Variants in PAPPA2 observed in about 807,000 individuals in gnomAD.
The protein encoded by PAPPA2 is pappalysin 2, also known as pappalysin-2.
PAPPA2 carries 86 observed loss-of-function variants against 176.4 expected under a neutral mutation model. That is an observed-to-expected ratio of 0.49 (90% CI 0.41 to 0.58). The LOEUF (loss-of-function observed/expected upper bound fraction) is 0.58, where lower values mean the gene tolerates loss of function less well. Among genes scored for constraint, PAPPA2 ranks in the 20% least tolerant of loss-of-function variants. The probability of loss-of-function intolerance (pLI) is 0.00; values close to 1 mark genes in which losing one functional copy is unlikely to be tolerated. For synonymous variants in PAPPA2, 809 were observed against 852.2 expected (o/e 0.95, Z 0.88); for missense variants, 2,073 against 2,256.9 (o/e 0.92, Z 1.65).
chr1:176,489,138 A>C (rs1321679106), intron 1 of PAPPA2, among the ~76,000 whole-genome samples: 1 of 152,214 alleles, frequency 6.6e-6, no homozygotes, highest in African/African-American at 2.4e-5. Context: ...TGAATGTAAC[A>C]AAAAGATAAG....
intron 1 of PAPPA2, among the ~76,000 whole-genome samples, chr1:176,548,109 A>T (rs957138584): frequency 6.6e-6 from 1 of 152,222 alleles, no homozygotes; most frequent in Non-Finnish European, 1.5e-5. Flanking sequence ...GAAATATTTT[A>T]ATAGATAATT....
intron 2 of PAPPA2, among the ~76,000 whole-genome samples, chr1:176,579,334 G>T (rs75095482): frequency 6.9e-4 from 105 of 152,308 alleles, no homozygotes; most frequent in African/African-American, 2.3e-3. Flanking sequence ...TCTGTTGTAT[G>T]CTCTTCCCAT....
At chr1:176,486,881 G>A (rs1289899445) in intron 1 of PAPPA2, among the ~76,000 whole-genome samples, 2 of 152,200 alleles carry the variant, frequency 1.3e-5, no homozygotes, top group South Asian at 2.1e-4. Flanking sequence ...TAGATAGCTC[G>A]ATAGTGTTTA....
chr1:176,809,614 A>AAT (rs1666055560), intron 21 of PAPPA2, among the ~76,000 whole-genome samples: 1 of 152,150 alleles, frequency 6.6e-6, no homozygotes, highest in Non-Finnish European at 1.5e-5. Context: ...TGCAGAGGCC[A>AAT]ATATATAACT....
At chr1:176,820,997 C>T (rs956618849) in intron 21 of PAPPA2, among the ~76,000 whole-genome samples, 3 of 152,120 alleles carry the variant, frequency 2.0e-5, no homozygotes, top group Non-Finnish European at 4.4e-5. Context: ...TTGTATGTGC[C>T]TCATACCATT....
At chr1:176,530,007 A>G (rs1649722343) in intron 1 of PAPPA2, among the ~76,000 whole-genome samples, 1 of 152,192 alleles carries the variant, frequency 6.6e-6, no homozygotes, top group Admixed American at 6.5e-5. Context: ...AAAAACCTCA[A>G]CAACATTACT....
chr1:176,800,929 G>A (rs1031166046), intron 21 of PAPPA2, among the ~76,000 whole-genome samples: 1 of 152,132 alleles, frequency 6.6e-6, no homozygotes, highest in East Asian at 1.9e-4. Context: ...AATCAGTGGG[G>A]GGATGTAGGC....
chr1:176,578,224 A>G (rs1248608396), intron 2 of PAPPA2, among the ~76,000 whole-genome samples: 2 of 152,254 alleles, frequency 1.3e-5, no homozygotes, highest in East Asian at 3.8e-4. Flanking sequence ...AAAGCTGTCA[A>G]TAAGATTTAT....
intron 1 of PAPPA2, among the ~76,000 whole-genome samples, chr1:176,549,986 T>G (rs191709445): frequency 6.6e-6 from 1 of 152,364 alleles, no homozygotes; most frequent in Non-Finnish European, 1.5e-5. Flanking sequence ...AATCTCTTTG[T>G]GCTTTTTCTA....
chr1:176,712,078 C>A, intron 12 of PAPPA2, 97 bp downstream of exon 12: 2 of 1,411,180 alleles, frequency 1.4e-6, no homozygotes, highest in Non-Finnish European at 1.9e-6. Flanking sequence ...ATTTGGATGA[C>A]TTGTCAGAAA....
intron 1 of PAPPA2, among the ~76,000 whole-genome samples, chr1:176,491,788 A>G (rs1170215290): frequency 6.6e-6 from 1 of 152,120 alleles, no homozygotes; most frequent in Non-Finnish European, 1.5e-5. Flanking sequence ...AGTATTTCTA[A>G]TTTTTACTCA....
At position 176,612,255 on chromosome 1, in the gene PAPPA2, G is replaced by A. The variant is rs186054095; in HGVS notation, c.1991+16660G>A. On this transcript the variant is annotated intron_variant, in intron 3 of 22. Coordinates refer to ENST00000367662, the MANE Select transcript of PAPPA2 (RefSeq NM_020318.3). ...CTAAAAATCCAAAACTTAGCTGGGC[G>A]TGGTGGTGCATGCCTATAATCCTAG... 7.2e-5 allele frequency among the ~76,000 whole-genome samples: 11 copies of A among 152,146 alleles called. No individual in the cohort carries two copies. The East Asian group carries it at 2.1e-3, about 29-fold the overall frequency.
chr1:176,511,393 T>A lies in PAPPA2; in HGVS notation c.-916-44014T>A, dbSNP rs188460042. 7.1e-4 allele frequency among the ~76,000 whole-genome samples: 108 copies of A among 152,316 alleles called. No homozygotes were observed. The Middle Eastern group carries it at 0.01, about 14-fold the overall frequency. On this transcript the variant is annotated intron_variant, in intron 1 of 22. Coordinates refer to ENST00000367662, the MANE Select transcript of PAPPA2 (RefSeq NM_020318.3). ...GTGTACTTCTGATTTACAGGGAATC[T>A]GCAAAAACTTACAGTGAATATCATA...
At chr1:176,578,037 A>G (rs953240261) in intron 2 of PAPPA2, among the ~76,000 whole-genome samples, 3 of 151,756 alleles carry the variant, frequency 2.0e-5, no homozygotes, top group African/African-American at 7.3e-5. Flanking sequence ...ACAGAGCAGA[A>G]CTCTGCCATG....
intron 2 of PAPPA2, among the ~76,000 whole-genome samples, chr1:176,581,866 A>AT (rs1652987184): frequency 8.3e-6 from 1 of 121,014 alleles, no homozygotes; most frequent in African/African-American, 3.0e-5. Flanking sequence ...ATTTTTGTTT[A>AT]TTTTTTGGGG....
At chr1:176,483,311 GT>G (rs1482267700) in intron 1 of PAPPA2, among the ~76,000 whole-genome samples, 1 of 151,928 alleles carries the variant, frequency 6.6e-6, no homozygotes, top group Non-Finnish European at 1.5e-5. Flanking sequence ...CTAGCCTATT[GT>G]TTTGCTAATG....
At chr1:176,757,966 C>T (rs7529487) in intron 14 of PAPPA2, among the ~76,000 whole-genome samples, 59,228 of 151,908 alleles carry the variant, frequency 0.39, 12,251 homozygotes, top group Middle Eastern at 0.54. Context: ...ACAAATAGGT[C>T]GCATTCTAGG....
In PAPPA2 at chr1:176,775,070, G is replaced by A. The variant is rs563427206; in HGVS notation, c.4715+3890G>A. On this transcript the variant is annotated intron_variant, in intron 17 of 22. Coordinates refer to ENST00000367662, the MANE Select transcript of PAPPA2 (RefSeq NM_020318.3). ...ATGATGTTGTCCAGGAAGCCTACCA[G>A]GTCTCCCTAGACTGTAGGACTCCTC... Among the ~76,000 whole-genome samples, 4 of 152,144 alleles carry A rather than the reference G, an allele frequency of 2.6e-5. No homozygotes were observed. The East Asian group carries it at 7.7e-4, about 29-fold the overall frequency.
intron 20 of PAPPA2, 150 bp downstream of exon 20, chr1:176,793,819 T>G (rs78673484): frequency 0.054 from 31,543 of 584,692 alleles, 1,233 homozygotes; most frequent in South Asian, 0.13. Flanking sequence ...GATTAAACAT[T>G]GAAAAGAAAA....
Sources: allele counts gnomAD v4.1 joint callset (sites outside exome capture counted in the v4.1 genomes callset), GRCh38; gene constraint gnomAD v4.1.1; transcripts MANE v1.5; gene names NCBI Gene and HGNC (gene_info 2026-07-23, HGNC 2026-07-21).